The following CDC5L variants were observed in gnomAD, a reference collection of about 807,000 sequenced individuals.
CDC5L encodes the protein cell division cycle 5 like.
In CDC5L, 18 loss-of-function variants were observed where a neutral mutation model predicts 104.1. The observed-to-expected ratio is 0.17, with a 90% CI of 0.12 to 0.26. CDC5L has a LOEUF of 0.26. Ranked by LOEUF, CDC5L falls within the 10% of genes least tolerant of loss-of-function variation. The pLI is 1.00. For missense variants in CDC5L, 673 were observed against 956.9 expected (o/e 0.70, Z 3.91); for synonymous variants, 331 against 322.7 (o/e 1.03, Z -0.28).
chr6:44,421,869 G>C (rs1422491425), intron 9 of CDC5L, among the ~76,000 whole-genome samples: 1 of 152,120 alleles, frequency 6.6e-6, no homozygotes, highest in Non-Finnish European at 1.5e-5. Flanking sequence ...ATCCCCGGTG[G>C]ATACTTAGGG....
intron 14 of CDC5L, among the ~76,000 whole-genome samples, chr6:44,433,182 T>C (rs1792768089): frequency 6.6e-6 from 1 of 152,206 alleles, no homozygotes; most frequent in Non-Finnish European, 1.5e-5. Context: ...TTACTGCCTA[T>C]CTACCACGTA....
At chr6:44,408,707 C>A in intron 8 of CDC5L, 75 bp downstream of exon 8, 1 of 1,128,172 alleles carries the variant, frequency 8.9e-7, no homozygotes, top group East Asian at 2.6e-5. Flanking sequence ...GAGAACTAAG[C>A]GGTTTGGTTG....
intron 3 of CDC5L, 31 bp from the exon 4 acceptor site, chr6:44,393,414 AG>A (rs1204444116): frequency 5.0e-6 from 8 of 1,604,280 alleles, no homozygotes; most frequent in Non-Finnish European, 6.8e-6. Context: ...ATGGTACTGT[AG>A]TGTGACTAAC....
Position 44,429,701 on chromosome 6 carries a change from T to C in CDC5L, c.1894-12T>C. 1 of 1,610,626 alleles carries C rather than the reference T, an allele frequency of 6.2e-7. No homozygotes were observed. Among genetic ancestry groups the C allele is most frequent in the East Asian group, 2.2e-5 (1 of 44,848 alleles). On this transcript the variant is annotated splice_polypyrimidine_tract_variant and intron_variant, in intron 13 of 15. Transcript: ENST00000371477. Reference sequence around the variant, plus strand: ...TAGTACTTAAACTTATTGAAATTATTATTGTAAACAGGCCCAGGATGTTTT... The same window carrying C: ...TAGTACTTAAACTTATTGAAATTATCATTGTAAACAGGCCCAGGATGTTTT...
chr6:44,414,508 A>C (rs546241294), intron 8 of CDC5L, among the ~76,000 whole-genome samples: 11 of 145,780 alleles, frequency 7.5e-5, no homozygotes, highest in Admixed American at 1.4e-4. Flanking sequence ...TTAATTTAAA[A>C]ATTTTTTTTG....
At chr6:44,424,867 A>G (rs1484930309) in intron 11 of CDC5L, among the ~76,000 whole-genome samples, 1 of 152,166 alleles carries the variant, frequency 6.6e-6, no homozygotes, top group African/African-American at 2.4e-5. Context: ...TCTTTTAGAC[A>G]TTGCTTCAAT....
chr6:44,450,404 TAAAA>T lies in CDC5L; in HGVS notation c.*3697_*3700del, dbSNP rs571653688. ...TTTTTAAATTTAAGCAACTTTAAAT[TAAAA>T]AAATTGTTTTTAAAATATATTCTTC... On this transcript the variant is annotated 3_prime_UTR_variant, in exon 16 of 16. Transcript: ENST00000371477. 6.6e-6 allele frequency: 1 copy of T among 152,318 alleles called. No individual in the cohort carries two copies. The highest frequency in any genetic ancestry group is 1.9e-4 in the East Asian group (1 of 5,194). The allele number at this position is 152,318 out of a possible 1,614,324, so 9.4% of individuals were successfully genotyped here.
At chr6:44,387,986 C>G in intron 1 of CDC5L, 118 bp downstream of exon 1, 1 of 907,284 alleles carries the variant, frequency 1.1e-6, no homozygotes, top group Non-Finnish European at 1.7e-6. Context: ...GGAGGGCAGC[C>G]CGGGGGCTGA....
intron 5 of CDC5L, among the ~76,000 whole-genome samples, chr6:44,402,050 A>G (rs1358454747): frequency 7.2e-6 from 1 of 138,544 alleles, no homozygotes; most frequent in African/African-American, 2.7e-5. Context: ...AATCCAGTCT[A>G]TCATTGTTGG....
rs751834925 is a variant in CDC5L, at chr6:44,408,505, A to G, written c.965A>G (p.Gln322Arg). The G allele has an allele frequency of 1.2e-6, 2 of 1,613,978 alleles. No homozygotes were observed. The highest frequency in any genetic ancestry group is 1.7e-6 in the Non-Finnish European group (2 of 1,179,932). The change falls in exon 8 of 16, where the codon CAA (glutamine) becomes CGA (arginine). Residue 322 changes from glutamine to arginine, a missense_variant. Transcript: ENST00000371477. ...KVGQASEIAR[Q>R]TAEESGITNS... ...GGCCAAGCGAGTGAAATTGCACGTC[A>G]AACTGCCGAGGAATCTGGCATAACA...
At chr6:44,393,828 C>T (rs896281061) in intron 4 of CDC5L, among the ~76,000 whole-genome samples, 4 of 151,960 alleles carry the variant, frequency 2.6e-5, no homozygotes, top group Admixed American at 2.6e-4. Flanking sequence ...CCATACCTGG[C>T]TAATTTTTAA....
chr6:44,446,628 C>T lies in CDC5L; in HGVS notation c.2326C>T (p.Arg776Ter). 1.3e-6 allele frequency: 2 copies of T among 1,577,134 alleles called. No individual in the cohort carries two copies. The highest frequency in any genetic ancestry group is 1.7e-6 in the Non-Finnish European group (2 of 1,161,362). Residue 776 changes from arginine (R) to a stop codon, truncating the protein, a stop_gained, in exon 16 of 16, where the codon CGA becomes TGA. Coordinates refer to ENST00000371477, the MANE Select transcript of CDC5L (RefSeq NM_001253.4). LOFTEE classifies it high-confidence loss of function. Reference protein sequence around the residue: ...RLECLKEDVQRQQEREKELQH... With the variant: ...RLECLKEDVQ ...TAAGTGTCTAAAAGAAGACGTTCAG[C>T]GACAACAAGAAAGAGAAAAGGAACT...
intron 4 of CDC5L, among the ~76,000 whole-genome samples, chr6:44,394,889 TATACACACAC>T (rs1378363122): frequency 1.5e-4 from 4 of 27,488 alleles, no homozygotes; most frequent in East Asian, 9.9e-4. Context: ...AAAAAAATGG[TATACACACAC>T]ACACACACAC....
In CDC5L at chr6:44,426,529, A is replaced by G. The variant is rs1404300745; in HGVS notation, c.1698A>G (p.Thr566=). The G allele has an allele frequency of 6.3e-7, 1 of 1,595,438 alleles. No individual in the cohort carries two copies. The highest frequency in any genetic ancestry group is 2.2e-5 in the East Asian group (1 of 44,690). The change falls in exon 13 of 16, where the codon ACA becomes ACG. Residue 566 remains threonine (T), a synonymous_variant. Transcript: ENST00000371477. ...CCTTAAATGTAGAACCGCCTTTAAC[A>G]GATTTACAGAAAAGTGAAGAACTAA... The part of the protein sequence containing the change: ...LRPLNVEPPL[T]DLQKSEELIK...
rs558983980 is a variant in CDC5L at position 44,414,990 on chromosome 6, C to T, written c.1093-4459C>T. Among the ~76,000 whole-genome samples the T allele has an allele frequency of 8.5e-5, 13 of 152,174 alleles. No homozygotes were observed. The East Asian group carries it at 2.1e-3, about 25-fold the overall frequency. Reference sequence around the variant, plus strand: ...GTATGGATCTACCTTCATTCTTGGGCATGTGGATATCCAGTTTTCCTAACA... The same window carrying T: ...GTATGGATCTACCTTCATTCTTGGGTATGTGGATATCCAGTTTTCCTAACA... On this transcript the variant is annotated intron_variant, in intron 8 of 15. Transcript: ENST00000371477.
At position 44,449,054 on chromosome 6, in the gene CDC5L, T is replaced by A. The variant is rs1354521803; in HGVS notation, c.*2343T>A. On this transcript the variant is annotated 3_prime_UTR_variant, in exon 16 of 16. Transcript: ENST00000371477. ...CAGGTAGATTAATTTTTAAAAGAAA[T>A]TTTAAAGGATTTATAGTTTATTTGC... 1 of 152,248 alleles carries A rather than the reference T, an allele frequency of 6.6e-6. No individual in the cohort carries two copies. 9.4% of individuals were successfully genotyped at this position (152,248 alleles called of 1,614,324 possible).
At chr6:44,418,509 G>C (rs372008445) in intron 8 of CDC5L, among the ~76,000 whole-genome samples, 46 of 152,070 alleles carry the variant, frequency 3.0e-4, no homozygotes, top group South Asian at 8.3e-4. Context: ...TGGGTATATA[G>C]CCAGTAATGG....
chr6:44,442,561 G>C (rs959601825), intron 14 of CDC5L, among the ~76,000 whole-genome samples: 1 of 151,894 alleles, frequency 6.6e-6, no homozygotes, highest in Admixed American at 6.6e-5. Flanking sequence ...AATTTTAATT[G>C]CATACACAAA....
chr6:44,441,158 G>A (rs1793169737), intron 14 of CDC5L, among the ~76,000 whole-genome samples: 1 of 152,052 alleles, frequency 6.6e-6, no homozygotes, highest in Non-Finnish European at 1.5e-5. Flanking sequence ...CTTTACCCCA[G>A]TATCCTCTGG....
Sources: gnomAD v4.1 joint callset for allele counts (sites outside exome capture counted in the v4.1 genomes callset) on GRCh38, gnomAD v4.1.1 for gene constraint, MANE v1.5 for transcripts, NCBI Gene and HGNC (gene_info 2026-07-23, HGNC 2026-07-21) for gene names.